The following TRIM25 variants were observed in gnomAD, a reference collection of about 807,000 sequenced individuals.
TRIM25 encodes the protein tripartite motif containing 25.
In TRIM25, 45 loss-of-function variants were observed where a neutral mutation model predicts 65.2. The ratio of observed to expected loss-of-function variants is 0.69; its 90% CI spans 0.54 to 0.89. The LOEUF (loss-of-function observed/expected upper bound fraction) is 0.89, where lower values mean the gene tolerates loss of function less well. Among genes scored for constraint, TRIM25 ranks in the 40% least tolerant of loss-of-function variants. The pLI is 0.00. For synonymous variants in TRIM25, 321 were observed against 340.4 expected, an observed-to-expected ratio of 0.94 and a Z score of 0.63; for missense variants, 714 against 803.7, an observed-to-expected ratio of 0.89 and a Z score of 1.35.
At position 56,891,083 on chromosome 17, in the gene TRIM25, G is replaced by A; in HGVS notation, c.*617C>T. 8.0e-6 allele frequency: 3 copies of A among 373,078 alleles called. No individual in the cohort carries two copies. The East Asian group carries it at 2.2e-4, about 27-fold the overall frequency. The allele number at this position is 373,078 out of a possible 1,614,324, so 23.1% of individuals were successfully genotyped here. On this transcript the variant is annotated 3_prime_UTR_variant, in exon 9 of 9. Transcript: ENST00000316881. The stretch of plus-strand genomic sequence containing the variant: ...TGGGGGCGATGGGTGTGCAGGGTAG[G>A]AAGGGAACGCACTATTTTCCAGTGG...
Position 56,913,081 on chromosome 17 carries a change from A to G in TRIM25, c.597+311T>C. 1 of 236,622 alleles carries G rather than the reference A, an allele frequency of 4.2e-6. No individual in the cohort carries two copies. The highest frequency in any genetic ancestry group is 8.1e-6 in the Non-Finnish European group (1 of 123,320). The allele number at this position is 236,622 out of a possible 1,614,324, so 14.7% of individuals were successfully genotyped here. A position where few individuals can be genotyped will look rare whatever the true frequency, so the allele number is the denominator to read the frequency against. ...CTTAAGCCCGGGAAGTCGAGGCTGC[A>G]GTGAGCTGTGATTCCGCCACTGCAC... On this transcript the variant is annotated intron_variant, in intron 1 of 8. Coordinates refer to ENST00000316881, the MANE Select transcript of TRIM25 (RefSeq NM_005082.5). The surrounding 1 kb of genome is among the most constrained non-coding windows in gnomAD (Gnocchi z 6.1).
Position 56,913,441 on chromosome 17 carries a change from T to C in TRIM25, c.548A>G (p.His183Arg). Reference sequence around the variant, plus strand: ...CAGGGACGCGGGAGAGCAGGTCTTATGCTCCACCAGGCAGATGTGGCAGAT... The same window carrying C: ...CAGGGACGCGGGAGAGCAGGTCTTACGCTCCACCAGGCAGATGTGGCAGAT... ...ECICHICLVE[H>R]KTCSPASLSQ... Residue 183 changes from histidine (H) to arginine (R), a missense_variant, in exon 1 of 9, where the codon CAT becomes CGT. Physicochemically the swap from His to Arg is conservative, Grantham distance 29 (BLOSUM62 0). Coordinates refer to ENST00000316881, the MANE Select transcript of TRIM25 (RefSeq NM_005082.5). The surrounding 1 kb of genome is among the most constrained non-coding windows in gnomAD (Gnocchi z 6.1). The C allele has an allele frequency of 6.2e-7, 1 of 1,605,820 alleles. No homozygotes were observed. The highest frequency in any genetic ancestry group is 8.5e-7 in the Non-Finnish European group (1 of 1,174,648).
In TRIM25 at chr17:56,890,390, C is replaced by G. The variant is rs1034954374; in HGVS notation, c.*1310G>C. ...CCCTCTTTAGCTCTTTCCCTCCCTC[C>G]CTGATCAATGTGAGCTTATATAATT... On this transcript the variant is annotated 3_prime_UTR_variant, in exon 9 of 9. Coordinates refer to ENST00000316881, the MANE Select transcript of TRIM25 (RefSeq NM_005082.5). 1 of 353,376 alleles carries G rather than the reference C, an allele frequency of 2.8e-6. No homozygotes were observed. Among genetic ancestry groups the G allele is most frequent in the African/African-American group, 2.1e-5 (1 of 46,626 alleles). The allele number at this position is 353,376 out of a possible 1,614,324, so 21.9% of individuals were successfully genotyped here.
chr17:56,909,283 C>G (rs1032837338), intron 1 of TRIM25, among the ~76,000 whole-genome samples: 18 of 152,036 alleles, frequency 1.2e-4, no homozygotes, highest in Non-Finnish European at 4.4e-5. Flanking sequence ...GAGGCATCTG[C>G]CAATCCCAGA....
chr17:56,891,390 G>A lies in TRIM25; in HGVS notation c.*310C>T. 2.5e-6 allele frequency: 1 copy of A among 400,506 alleles called. No homozygotes were observed. The highest frequency in any genetic ancestry group is 4.6e-6 in the Non-Finnish European group (1 of 216,808). The allele number at this position is 400,506 out of a possible 1,614,324, so 24.8% of individuals were successfully genotyped here. ...TATGGATTTTCTCTAAGAGGAATCG[G>A]GCACTCATGACTTCACTTCCCAGAG... On this transcript the variant is annotated 3_prime_UTR_variant, in exon 9 of 9. Transcript: ENST00000316881.
At chr17:56,905,585 A>G (rs1909504558) in intron 2 of TRIM25, among the ~76,000 whole-genome samples, 1 of 152,200 alleles carries the variant, frequency 6.6e-6, no homozygotes, top group Non-Finnish European at 1.5e-5. Flanking sequence ...GGAATGTAAA[A>G]TATCTTAAAA....
chr17:56,896,163 AT>A (rs1156617621), intron 5 of TRIM25, among the ~76,000 whole-genome samples: 5 of 152,232 alleles, frequency 3.3e-5, no homozygotes, highest in Non-Finnish European at 7.3e-5. Flanking sequence ...AATAAGGAGC[AT>A]GAAGGAATTT....
At chr17:56,901,319 T>G in intron 4 of TRIM25, 100 bp downstream of exon 4, 1 of 1,361,608 alleles carries the variant, frequency 7.3e-7, no homozygotes, top group East Asian at 2.3e-5. Context: ...CAGGCCCCAG[T>G]GCTCGGGATC....
intron 4 of TRIM25, 79 bp downstream of exon 4, chr17:56,901,340 C>A: frequency 6.7e-7 from 1 of 1,485,930 alleles, no homozygotes; most frequent in Non-Finnish European, 9.1e-7. Context: ...ACGCCCCAAT[C>A]TCCCATCCCA....
chr17:56,893,088 C>T (rs566819683), intron 8 of TRIM25, among the ~76,000 whole-genome samples: 4 of 152,284 alleles, frequency 2.6e-5, no homozygotes, highest in Non-Finnish European at 4.4e-5. Context: ...CAAGGGGATT[C>T]GCATGTGCTG....
In TRIM25 at chr17:56,908,513, C is replaced by T. The variant is rs7213666; in HGVS notation, c.648G>A (p.Ala216=). The T allele has an allele frequency of 2.5e-3, 4,020 of 1,614,062 alleles. 81 individuals are homozygous for T. In the African/African-American group the frequency reaches 0.046, roughly 19 times the overall value. The change falls in exon 2 of 9, where the codon GCG becomes GCA. Residue 216 remains alanine (A), a synonymous_variant. Coordinates refer to ENST00000316881, the MANE Select transcript of TRIM25 (RefSeq NM_005082.5). ...LTVMYSQING[A]SRALDDVRNR... ...TTCTCACATCATCCAGTGCTCTCGACGCCCCGTTGATCTGACTGTACATGA... is the reference window on the plus strand; with the variant it reads ...TTCTCACATCATCCAGTGCTCTCGATGCCCCGTTGATCTGACTGTACATGA...
intron 1 of TRIM25, among the ~76,000 whole-genome samples, chr17:56,909,972 A>G (rs189789407): frequency 6.6e-6 from 1 of 152,252 alleles, no homozygotes; most frequent in East Asian, 1.9e-4. Flanking sequence ...CTTTACCTGT[A>G]TTAACTTACT....
At chr17:56,900,403 G>A (rs557750227) in intron 4 of TRIM25, among the ~76,000 whole-genome samples, 7 of 152,112 alleles carry the variant, frequency 4.6e-5, no homozygotes, top group South Asian at 4.2e-4. Context: ...TAAATAAGCC[G>A]CAGCCCCTGA....
intron 4 of TRIM25, 48 bp downstream of exon 4, chr17:56,901,371 G>A (rs1394254813): frequency 2.5e-6 from 4 of 1,580,754 alleles, no homozygotes; most frequent in Non-Finnish European, 2.6e-6. Flanking sequence ...GGGACCCATC[G>A]GGTTGCAGGG....
intron 2 of TRIM25, among the ~76,000 whole-genome samples, chr17:56,905,844 G>A (rs1045999805): frequency 6.6e-6 from 1 of 151,984 alleles, no homozygotes; most frequent in Non-Finnish European, 1.5e-5. Context: ...GAGAGTGGGG[G>A]TGGTGAAGGG....
intron 8 of TRIM25, among the ~76,000 whole-genome samples, chr17:56,894,938 T>C (rs541885920): frequency 6.6e-6 from 1 of 151,616 alleles, no homozygotes; most frequent in Non-Finnish European, 1.5e-5. Flanking sequence ...CTATGGCCAG[T>C]GGGAAGTCTT....
intron 3 of TRIM25, among the ~76,000 whole-genome samples, chr17:56,902,070 A>G (rs1369309471): frequency 6.6e-6 from 1 of 152,212 alleles, no homozygotes; most frequent in Non-Finnish European, 1.5e-5. Context: ...CCAAACTTTG[A>G]GAAAAATAGG....
intron 2 of TRIM25, among the ~76,000 whole-genome samples, chr17:56,907,042 G>A (rs537979197): frequency 2.0e-5 from 3 of 152,200 alleles, no homozygotes; most frequent in African/African-American, 7.2e-5. Context: ...AAAATTGCTT[G>A]TTGTCCTCCA....
At chr17:56,902,471 T>C (rs1305079729) in intron 3 of TRIM25, among the ~76,000 whole-genome samples, 2 of 152,068 alleles carry the variant, frequency 1.3e-5, no homozygotes, top group African/African-American at 4.8e-5. Context: ...GTAGAAACAG[T>C]GTGGCATGCT....
Sources: gnomAD v4.1 joint callset for allele counts (sites outside exome capture counted in the v4.1 genomes callset) on GRCh38, gnomAD v4.1.1 for gene constraint, Gnocchi (gnomAD v3.1) non-coding constraint, MANE v1.5 for transcripts, NCBI Gene and HGNC (gene_info 2026-07-23, HGNC 2026-07-21) for gene names.